Variants in ZNF443 observed in about 807,000 individuals in gnomAD.
ZNF443 encodes the protein zinc finger protein 443.
Under a neutral mutation model 12.0 loss-of-function variants are expected in ZNF443, and 3 were observed. That is an observed-to-expected ratio of 0.25 (90% CI 0.11 to 0.64). The LOEUF (loss-of-function observed/expected upper bound fraction) is 0.64, where lower values mean the gene tolerates loss of function less well. Among genes scored for constraint, ZNF443 ranks in the 30% least tolerant of loss-of-function variants. The probability of loss-of-function intolerance (pLI) is 0.84; values close to 1 mark genes in which losing one functional copy is unlikely to be tolerated. For missense variants in ZNF443, 770 were observed against 808.8 expected, an observed-to-expected ratio of 0.95 and a Z score of 0.58; for synonymous variants, 225 against 265.9, an observed-to-expected ratio of 0.85 and a Z score of 1.50.
rs1344643709 is a variant in ZNF443 at position 12,430,321 on chromosome 19, T to C, written c.1851A>G (p.Glu617=). ...CAAATGCTTTCCCACATTCCTTACA[T>C]TCATACGGGTTCTCTCCAGTATGAG... ...EKTHTGENPY[E]CKECGKAFAS... Residue 617 remains glutamate (E), a synonymous_variant, in exon 4 of 4, where the codon GAA becomes GAG. Coordinates refer to ENST00000301547, the MANE Select transcript of ZNF443 (RefSeq NM_005815.5). 1.2e-6 allele frequency: 2 copies of C among 1,613,742 alleles called. No individual in the cohort carries two copies. Among genetic ancestry groups the C allele is most frequent in the Non-Finnish European group, 1.7e-6 (2 of 1,179,824 alleles).
intron 1 of ZNF443, among the ~76,000 whole-genome samples, chr19:12,439,955 C>T (rs2144961079): frequency 1.3e-5 from 2 of 151,868 alleles, no homozygotes; most frequent in South Asian, 4.2e-4. Context: ...GATTTGCTGC[C>T]AGCCCTAGGA....
chr19:12,436,298 T>A (rs1468983080), intron 1 of ZNF443, among the ~76,000 whole-genome samples: 1 of 146,852 alleles, frequency 6.8e-6, no homozygotes, highest in African/African-American at 2.6e-5. Flanking sequence ...CTGGCCAATG[T>A]GGTGAAACCC....
At chr19:12,435,934 C>T (rs1327900520) in intron 1 of ZNF443, among the ~76,000 whole-genome samples, 1 of 151,770 alleles carries the variant, frequency 6.6e-6, no homozygotes, top group Non-Finnish European at 1.5e-5. Context: ...TCAGAAGTAC[C>T]CCATTATAAC....
At chr19:12,434,760 G>A (rs57353969) in intron 1 of ZNF443, among the ~76,000 whole-genome samples, 49,670 of 151,294 alleles carry the variant, frequency 0.33, 8,498 homozygotes, top group South Asian at 0.47. Flanking sequence ...GAAAAGTCTC[G>A]TAGAGTTTTT....
intron 1 of ZNF443, among the ~76,000 whole-genome samples, chr19:12,436,552 C>T (rs910634233): frequency 7.3e-5 from 11 of 151,362 alleles, no homozygotes; most frequent in African/African-American, 2.7e-4. Flanking sequence ...ATGAAGACAT[C>T]TTCACAAGTG....
intron 1 of ZNF443, 55 bp downstream of exon 1, chr19:12,440,857 G>C (rs11878378): frequency 4.3e-6 from 7 of 1,613,116 alleles, no homozygotes; most frequent in Non-Finnish European, 5.9e-6. Context: ...AGCCGATTAC[G>C]GCCGGTTCCA....
chr19:12,439,924 G>A (rs1167355852), intron 1 of ZNF443, among the ~76,000 whole-genome samples: 3 of 151,944 alleles, frequency 2.0e-5, no homozygotes, highest in Non-Finnish European at 2.9e-5. Context: ...GTTAGCCTGG[G>A]GAAGTCTCTG....
rs776007720 is a variant in ZNF443, at chr19:12,431,161, A to G, written c.1011T>C (p.Tyr337=). ...ACGCTTTCCCACATTGCTGACATGCATAGGGTTTCTCTGCACTGTGAGTGG... is the reference window on the plus strand; with the variant it reads ...ACGCTTTCCCACATTGCTGACATGCGTAGGGTTTCTCTGCACTGTGAGTGG... ...HETTHSAEKP[Y]ACQQCGKAFH... The change falls in exon 4 of 4, where the codon TAT becomes TAC. Residue 337 remains tyrosine (Y), a synonymous_variant. Transcript: ENST00000301547. 7 of 1,613,960 alleles carry G rather than the reference A, an allele frequency of 4.3e-6. No homozygotes were observed. Among genetic ancestry groups the G allele is most frequent in the Non-Finnish European group, 5.9e-6 (7 of 1,179,960 alleles).
intron 1 of ZNF443, among the ~76,000 whole-genome samples, chr19:12,439,070 T>A (rs1287125879): frequency 6.6e-6 from 1 of 152,040 alleles, no homozygotes; most frequent in African/African-American, 2.4e-5. Context: ...CCTATTCTGT[T>A]CGCCACCCTC....
chr19:12,431,901 T>C lies in ZNF443; in HGVS notation c.271A>G (p.Ile91Val), dbSNP rs373868696. The C allele has an allele frequency of 6.4e-5, 104 of 1,613,702 alleles. No individual in the cohort carries two copies. The highest frequency in any genetic ancestry group is 8.6e-5 in the Non-Finnish European group (101 of 1,179,892). Residue 91 changes from isoleucine (I) to valine (V), a missense_variant, in exon 4 of 4, where the codon ATT (isoleucine) becomes GTT (valine). By Grantham distance (29) the Ile-to-Val change is conservative (BLOSUM62 3). Coordinates refer to ENST00000301547, the MANE Select transcript of ZNF443 (RefSeq NM_005815.5). ...GETSSQIQDS[I>V]VTKNTLPGVG... ...CCAGGAAGAGTGTTCTTGGTCACAA[T>C]ACTATCTTGAATCTGGCTAGATGTT... is the stretch of plus-strand genomic sequence containing the variant.
intron 1 of ZNF443, among the ~76,000 whole-genome samples, chr19:12,440,059 A>G (rs1970349033): frequency 6.6e-6 from 1 of 152,084 alleles, no homozygotes; most frequent in African/African-American, 2.4e-5. Context: ...CTTGGAAAGG[A>G]AGAAAGGACT....
At chr19:12,437,879 G>A (rs1413388429) in intron 1 of ZNF443, among the ~76,000 whole-genome samples, 1 of 151,428 alleles carries the variant, frequency 6.6e-6, no homozygotes, top group Non-Finnish European at 1.5e-5. Context: ...ATTGCCCGAG[G>A]TCAGGAGTTC....
rs769011486 is a variant in ZNF443 at position 12,431,982 on chromosome 19, T to A, written c.192-2A>T. ...ACAAATCTCTCTAACATACGACATC[T>A]GTAAAAAATGGGAAATATATCACTA... On this transcript the variant is annotated splice_acceptor_variant, in intron 3 of 3. Coordinates refer to ENST00000301547, the MANE Select transcript of ZNF443 (RefSeq NM_005815.5). LOFTEE classifies it high-confidence loss of function. 62 of 1,543,374 alleles carry A rather than the reference T, an allele frequency of 4.0e-5. No homozygotes were observed. Among genetic ancestry groups the A allele is most frequent in the Middle Eastern group, 3.5e-4 (2 of 5,764 alleles).
chr19:12,436,120 G>A (rs1236604321), intron 1 of ZNF443, among the ~76,000 whole-genome samples: 1 of 146,528 alleles, frequency 6.8e-6, no homozygotes, highest in African/African-American at 2.6e-5. Flanking sequence ...TGAAGTAAAG[G>A]CAATGATGAA....
intron 1 of ZNF443, among the ~76,000 whole-genome samples, chr19:12,436,636 G>GAA (rs1047947159): frequency 1.1e-4 from 16 of 151,886 alleles, no homozygotes; most frequent in Non-Finnish European, 2.4e-4. Context: ...ATCTAATGGG[G>GAA]AAAAAAAGGA....
rs945214546 is a variant in ZNF443, at chr19:12,430,029, A to C, written c.*127T>G. 6.3e-5 allele frequency: 97 copies of C among 1,549,142 alleles called. No individual in the cohort carries two copies. Among genetic ancestry groups the C allele is most frequent in the Non-Finnish European group, 7.9e-5 (90 of 1,146,090 alleles). ...GGATGACTGTACTGGAAAGAAACTG[A>C]AACTACTTAAGGCTTTACCAAGTGC... On this transcript the variant is annotated 3_prime_UTR_variant, in exon 4 of 4. Coordinates refer to ENST00000301547, the MANE Select transcript of ZNF443 (RefSeq NM_005815.5).
rs368521703 is a variant in ZNF443, at chr19:12,430,206, T to C, written c.1966A>G (p.Lys656Glu). The C allele has an allele frequency of 2.5e-6, 4 of 1,613,984 alleles. No homozygotes were observed. Among genetic ancestry groups the C allele is most frequent in the Non-Finnish European group, 3.4e-6 (4 of 1,179,914 alleles). The change falls in exon 4 of 4, where the codon AAA becomes GAA. Residue 656 changes from lysine (K) to glutamate (E), a missense_variant. Lys to Glu is a moderately conservative substitution (Grantham distance 56). This residue lies in a region of ZNF443 where 30 missense variants were observed against 60.4 expected (regional missense o/e 0.50). Coordinates refer to ENST00000301547, the MANE Select transcript of ZNF443 (RefSeq NM_005815.5). ...AAGGAACTGAGAGAAGCAAATGCTT[T>C]CCCACATTCCTTACATTCATATGGG... The part of the protein sequence containing the change: ...ENPYECKECG[K>E]AFASLSSLHR...
At chr19:12,438,435 C>A (rs1970334684) in intron 1 of ZNF443, among the ~76,000 whole-genome samples, 4 of 152,176 alleles carry the variant, frequency 2.6e-5, no homozygotes, top group African/African-American at 9.7e-5. Flanking sequence ...GTTGGAAAGT[C>A]CTGTCCCACA....
intron 1 of ZNF443, among the ~76,000 whole-genome samples, chr19:12,435,656 G>A (rs1466381141): frequency 1.3e-5 from 2 of 151,918 alleles, no homozygotes; most frequent in African/African-American, 4.8e-5. Flanking sequence ...GTGTTCAAGG[G>A]ATGCCCCAGG....
Sources: allele counts gnomAD v4.1 joint callset (sites outside exome capture counted in the v4.1 genomes callset), GRCh38; gene constraint gnomAD v4.1.1; regional missense constraint gnomAD v4.1.1; transcripts MANE v1.5; gene names NCBI Gene and HGNC (gene_info 2026-07-23, HGNC 2026-07-21).